Variants in LNX1 observed in about 807,000 individuals in gnomAD.
LNX1 encodes ligand of numb-protein X 1.
LNX1 carries 54 observed loss-of-function variants against 68.4 expected under a neutral mutation model. The ratio of observed to expected loss-of-function variants is 0.79; its 90% CI spans 0.63 to 0.99. LNX1 has a LOEUF of 0.99. LNX1 is among the 50% of genes least tolerant of loss of function. LNX1 has a pLI of 0.00. For synonymous variants in LNX1, 336 were observed against 350.0 expected, an observed-to-expected ratio of 0.96 and a Z score of 0.45; for missense variants, 906 against 926.4, an observed-to-expected ratio of 0.98 and a Z score of 0.29.
intron 2 of LNX1, chr4:53,558,134 TAAG>T (rs776593957): frequency 3.5e-6 from 5 of 1,420,258 alleles, no homozygotes; most frequent in Non-Finnish European, 4.6e-6. Context: ...CACGGGCCCG[TAAG>T]AAGATTATGC....
At chr4:53,557,982 T>G (rs1472782535) in intron 2 of LNX1, 2 of 1,613,526 alleles carry the variant, frequency 1.2e-6, no homozygotes, top group Non-Finnish European at 1.7e-6. Flanking sequence ...AGCAGTGTGC[T>G]GCCTTCTCCC....
rs754299383 is a variant in LNX1, at chr4:53,573,724, C to A, written c.279G>T (p.Leu93=). The change falls in exon 2 of 11, where the codon CTG becomes CTT. Residue 93 remains leucine, a synonymous_variant. Transcript: ENST00000263925. ...GTAGCTTGTTGAGGAGTTTGTTGAC[C>A]AGGATGCTGGACTTCTTGCAGTGCT... ...VLQHCKKSSI[L]VNKLLNKLLV... is the part of the protein sequence containing the mutation. 1 of 1,611,200 alleles carries A rather than the reference C, an allele frequency of 6.2e-7. No individual in the cohort carries two copies. The highest frequency in any genetic ancestry group is 1.1e-5 in the South Asian group (1 of 90,250).
rs773313418 is a variant in LNX1 at position 53,498,651 on chromosome 4, A to G, written c.968T>C (p.Ile323Thr). 5 of 1,613,714 alleles carry G rather than the reference A, an allele frequency of 3.1e-6. No individual in the cohort carries two copies. In the South Asian group the frequency reaches 5.5e-5, roughly 18 times the overall value. The change falls in exon 5 of 11, where the codon ATC becomes ACC. Residue 323 changes from isoleucine to threonine, a missense_variant. Physicochemically the swap from Ile to Thr is moderately conservative, Grantham distance 89. Transcript: ENST00000263925. ...AGCCACAGTCTCTACCTTTAGAATG[A>G]TGTCTCCTGGCAGTAGCCGGCCGTC... ...ARDGRLLPGD[I>T]ILKVNGMDIS...
intron 6 of LNX1, among the ~76,000 whole-genome samples, chr4:53,491,580 T>C (rs1256676057): frequency 6.6e-6 from 1 of 152,148 alleles, no homozygotes; most frequent in African/African-American, 2.4e-5. Flanking sequence ...AGAGTAGATA[T>C]GGTATCTTGG....
Position 53,460,925 on chromosome 4 carries a change from C to T in LNX1, c.2169G>A (p.Trp723Ter). 1 of 1,608,856 alleles carries T rather than the reference C, an allele frequency of 6.2e-7. No homozygotes were observed. The highest frequency in any genetic ancestry group is 8.5e-7 in the Non-Finnish European group (1 of 1,178,090). Residue 723 changes from tryptophan to a stop codon, truncating the protein, a stop_gained, in exon 11 of 11, where the codon TGG becomes TGA. Coordinates refer to ENST00000263925, the MANE Select transcript of LNX1 (RefSeq NM_001126328.3). LOFTEE classifies it high-confidence loss of function. ...ATTGATTCTATAAAAAAGTGCCAGG[C>T]CAAGAAACAATAGTTAGAGTAATTC... is the stretch of plus-strand genomic sequence containing the variant. ...KGRITLTIVS[W>*]PGTFL is the part of the protein sequence containing the mutation.
intron 1 of LNX1, among the ~76,000 whole-genome samples, chr4:53,646,554 T>C (rs73250977): frequency 6.6e-6 from 1 of 152,246 alleles, no homozygotes; most frequent in African/African-American, 2.4e-5. Flanking sequence ...CTACATTTTT[T>C]GCTGAGTGAA....
intron 4 of LNX1, chr4:53,501,779 C>G (rs753409291): frequency 1.3e-5 from 2 of 152,202 alleles, no homozygotes; most frequent in African/African-American, 2.4e-5. Flanking sequence ...TGTTGCCTCA[C>G]AAATGCTGTG....
chr4:53,486,461 T>A (rs1170499504), intron 6 of LNX1, among the ~76,000 whole-genome samples: 1 of 152,146 alleles, frequency 6.6e-6, no homozygotes, highest in Non-Finnish European at 1.5e-5. Context: ...CTTTAGCTTA[T>A]TGGCAGCCTC....
intron 1 of LNX1, chr4:53,575,639 G>T: frequency 7.5e-7 from 1 of 1,338,178 alleles, no homozygotes; most frequent in Non-Finnish European, 9.6e-7. Context: ...TGCATTGGCT[G>T]GGGATCACTG....
intron 2 of LNX1, among the ~76,000 whole-genome samples, chr4:53,513,197 A>G (rs529298108): frequency 3.4e-4 from 51 of 152,196 alleles, no homozygotes; most frequent in African/African-American, 1.1e-3. Flanking sequence ...TCTCTTGCCT[A>G]CAAATCTATG....
chr4:53,632,540 A>G (rs1029791475), intron 1 of LNX1, among the ~76,000 whole-genome samples: 3 of 152,190 alleles, frequency 2.0e-5, no homozygotes, highest in African/African-American at 7.2e-5. Flanking sequence ...GGCAGGATGA[A>G]TTCTGGGGTG....
chr4:53,477,241 G>A (rs1451791822), intron 8 of LNX1, among the ~76,000 whole-genome samples: 3 of 152,322 alleles, frequency 2.0e-5, no homozygotes, highest in Middle Eastern at 3.4e-3. Flanking sequence ...AGGAAGGAAG[G>A]AAGGGAGTGA....
chr4:53,636,643 C>G (rs1734492026), intron 1 of LNX1, among the ~76,000 whole-genome samples: 1 of 152,162 alleles, frequency 6.6e-6, no homozygotes, highest in Admixed American at 6.5e-5. Context: ...TTTCTACCCA[C>G]TTCCATTTAT....
chr4:53,568,112 T>C (rs578018667), intron 2 of LNX1, among the ~76,000 whole-genome samples: 3 of 152,044 alleles, frequency 2.0e-5, no homozygotes, highest in Non-Finnish European at 4.4e-5. Flanking sequence ...TTCCAATTGA[T>C]AGAAAAAGAG....
upstream of LNX1, among the ~76,000 whole-genome samples, chr4:53,618,319 G>A (rs1238446970): frequency 2.6e-5 from 4 of 152,174 alleles, no homozygotes; most frequent in African/African-American, 9.7e-5. Context: ...CAAAAATTAT[G>A]CCTTAAAAAT....
At chr4:53,472,685 C>A (rs1467156) in intron 9 of LNX1, among the ~76,000 whole-genome samples, 15,407 of 70,982 alleles carry the variant, frequency 0.22, 1,518 homozygotes, top group South Asian at 0.34. Context: ...ACAACAACAA[C>A]AAAAAAAAAA....
intron 9 of LNX1, among the ~76,000 whole-genome samples, chr4:53,465,186 ACAAGTTTGGCTGCC>A (rs1157059063): frequency 1.3e-5 from 2 of 152,206 alleles, no homozygotes; most frequent in Non-Finnish European, 2.9e-5. Context: ...TGGCAAATAA[ACAAGTTTGGCTGCC>A]CAGTTTACAT....
chr4:53,521,650 A>T (rs372352624), intron 2 of LNX1, among the ~76,000 whole-genome samples: 2 of 151,992 alleles, frequency 1.3e-5, no homozygotes, highest in East Asian at 3.9e-4. Context: ...AAACAACCTT[A>T]CTCCTTCTAT....
chr4:53,575,069 C>T (rs1332315081), intron 1 of LNX1, among the ~76,000 whole-genome samples: 1 of 152,130 alleles, frequency 6.6e-6, no homozygotes, highest in Non-Finnish European at 1.5e-5. Flanking sequence ...ACAACTGCCA[C>T]CTCCCAGATG....
Sources: allele counts gnomAD v4.1 joint callset (sites outside exome capture counted in the v4.1 genomes callset), GRCh38; gene constraint gnomAD v4.1.1; transcripts MANE v1.5; gene names NCBI Gene and HGNC (gene_info 2026-07-23, HGNC 2026-07-21).